Variants in HPSE2 observed in about 807,000 individuals in gnomAD.
The protein encoded by HPSE2 is heparanase 2 (inactive), also known as inactive heparanase-2.
Under a neutral mutation model 60.5 loss-of-function variants are expected in HPSE2, and 38 were observed. That is an observed-to-expected ratio of 0.63 (90% confidence interval 0.48 to 0.82). The LOEUF is 0.82. Ranked by LOEUF, HPSE2 falls within the 40% of genes least tolerant of loss-of-function variation. The pLI, the probability that HPSE2 is intolerant of heterozygous loss-of-function variation, is 0.00. For synonymous variants in HPSE2, 295 were observed against 293.2 expected (o/e 1.01, Z -0.06); for missense variants, 713 against 740.4 (o/e 0.96, Z 0.43).
rs1158681693 is a variant in HPSE2 at position 98,933,981 on chromosome 10, C to T, written c.611-189925G>A. On this transcript the variant is annotated intron_variant, in intron 3 of 11. Transcript: ENST00000370552. ...TCTCCTGACCTTGTGATCTGCCCAC[C>T]TCGGCCTCCCAAAGTGCTGAGATTA... 4.2e-5 allele frequency among the ~76,000 whole-genome samples: 6 copies of T among 143,604 alleles called. 1 individual carries two copies. In the East Asian group the frequency reaches 1.2e-3, roughly 28 times the overall value. 94.2% of individuals were successfully genotyped at this position (143,604 alleles called of 152,430 possible).
chr10:98,515,075 A>G (rs1462192222), intron 9 of HPSE2, among the ~76,000 whole-genome samples: 1 of 152,118 alleles, frequency 6.6e-6, no homozygotes, highest in Non-Finnish European at 1.5e-5. Context: ...GCAAGCAATC[A>G]TATTGAACTC....
the HPSE2 span, among the ~76,000 whole-genome samples, chr10:99,274,070 G>A: frequency 2.6e-5 from 4 of 152,280 alleles, no homozygotes; most frequent in Admixed American, 2.6e-4. Context: ...AAGCAGGCAG[G>A]TGCGGTGGCT....
chr10:99,053,366 A>G (rs1410587025), intron 3 of HPSE2, among the ~76,000 whole-genome samples: 1 of 117,128 alleles, frequency 8.5e-6, no homozygotes, highest in African/African-American at 2.6e-5. Context: ...ACTAAAAAAC[A>G]GTACAAAAAG....
intron 3 of HPSE2, among the ~76,000 whole-genome samples, chr10:99,059,772 C>T (rs2135520079): frequency 6.6e-6 from 1 of 152,180 alleles, no homozygotes; most frequent in East Asian, 1.9e-4. Context: ...ACAGTTCTCA[C>T]TAAAGGGACT....
intron 3 of HPSE2, among the ~76,000 whole-genome samples, chr10:99,018,721 T>A (rs1160264273): frequency 2.6e-5 from 4 of 152,054 alleles, no homozygotes; most frequent in Non-Finnish European, 4.4e-5. Flanking sequence ...AATAATATCT[T>A]CAATACAAAG....
the HPSE2 span, among the ~76,000 whole-genome samples, chr10:99,315,507 CA>C: frequency 3.6e-4 from 55 of 152,162 alleles, no homozygotes; most frequent in African/African-American, 1.3e-3. Context: ...GCGAAGCAGT[CA>C]GGGGAGAGGT....
At chr10:99,239,173 GTAAAAT>G (rs930026473), upstream of HPSE2, among the ~76,000 whole-genome samples, 5 of 151,710 alleles carry the variant, frequency 3.3e-5, no homozygotes, top group Non-Finnish European at 5.9e-5. Context: ...AAAATAAAAA[GTAAAAT>G]TAAAATTAAA....
intron 9 of HPSE2, among the ~76,000 whole-genome samples, chr10:98,490,944 T>C (rs772089903): frequency 1.4e-4 from 22 of 152,372 alleles, no homozygotes; most frequent in Middle Eastern, 3.4e-3. Flanking sequence ...TTTGCTATTA[T>C]CATATTTTGT....
intron 2 of HPSE2, among the ~76,000 whole-genome samples, chr10:99,193,581 G>A (rs1447210171): frequency 2.0e-5 from 3 of 151,586 alleles, no homozygotes; most frequent in Non-Finnish European, 4.4e-5. Flanking sequence ...GAAAATAAAG[G>A]GATAGTAAAA....
At chr10:99,132,134 AAAGAAAGAAAGG>A (rs1399461592) in intron 3 of HPSE2, among the ~76,000 whole-genome samples, 1 of 88,244 alleles carries the variant, frequency 1.1e-5, no homozygotes. Context: ...GAAAGAAAGG[AAAGAAAGAAAGG>A]AAGAAAGAAA....
chr10:99,285,906 T>C, the HPSE2 span, among the ~76,000 whole-genome samples: 71 of 152,038 alleles, frequency 4.7e-4, 1 homozygote. Flanking sequence ...GCCTGGGGAA[T>C]AGAGCAAGAC....
chr10:98,679,554 T>C (rs1454868519), intron 6 of HPSE2, among the ~76,000 whole-genome samples: 1 of 151,912 alleles, frequency 6.6e-6, no homozygotes, highest in Non-Finnish European at 1.5e-5. Flanking sequence ...CTTTCTACTG[T>C]GTTTTTTTTA....
chr10:98,635,062 C>T (rs1946461984), intron 7 of HPSE2, among the ~76,000 whole-genome samples: 1 of 152,214 alleles, frequency 6.6e-6, no homozygotes, highest in African/African-American at 2.4e-5. Flanking sequence ...GTTTTCCCCA[C>T]TGGACCATAA....
chr10:99,242,153 G>C, the HPSE2 span, among the ~76,000 whole-genome samples: 2 of 152,222 alleles, frequency 1.3e-5, no homozygotes, highest in African/African-American at 2.4e-5. Flanking sequence ...GACTGTCTCT[G>C]TCCTGCCAGG....
At chr10:98,793,964 C>T (rs1950715206) in intron 3 of HPSE2, among the ~76,000 whole-genome samples, 1 of 152,148 alleles carries the variant, frequency 6.6e-6, no homozygotes, top group South Asian at 2.1e-4. Context: ...GCTGCTAGAT[C>T]ATGAAGGAGT....
chr10:98,801,371 A>AG (rs1950902999), intron 3 of HPSE2, among the ~76,000 whole-genome samples: 1 of 152,148 alleles, frequency 6.6e-6, no homozygotes, highest in South Asian at 2.1e-4. Flanking sequence ...AAATCAGACA[A>AG]GAAAAAAAAA....
At chr10:99,026,381 T>C (rs558721234) in intron 3 of HPSE2, among the ~76,000 whole-genome samples, 11 of 152,200 alleles carry the variant, frequency 7.2e-5, no homozygotes, top group Admixed American at 4.6e-4. Flanking sequence ...TAAAGTACTA[T>C]ATAATGATTA....
At chr10:99,062,607 C>G (rs1842481416) in intron 3 of HPSE2, among the ~76,000 whole-genome samples, 1 of 152,048 alleles carries the variant, frequency 6.6e-6, no homozygotes, top group South Asian at 2.1e-4. Context: ...CAATCAGAGC[C>G]AAAACCTTAT....
At chr10:99,141,478 T>C (rs1482948559) in intron 3 of HPSE2, among the ~76,000 whole-genome samples, 3 of 152,210 alleles carry the variant, frequency 2.0e-5, no homozygotes, top group Non-Finnish European at 4.4e-5. Flanking sequence ...AGTTTAAAAC[T>C]ATGCAAAAAT....
Sources: gnomAD v4.1 joint callset for allele counts (sites outside exome capture counted in the v4.1 genomes callset) on GRCh38, gnomAD v4.1.1 for gene constraint, MANE v1.5 for transcripts, NCBI Gene and HGNC (gene_info 2026-07-23, HGNC 2026-07-21) for gene names.